Variants in DLGAP1 observed in about 807,000 individuals in gnomAD.
DLGAP1 encodes the protein disks large-associated protein 1.
DLGAP1 carries 11 observed loss-of-function variants against 90.8 expected under a neutral mutation model. The observed-to-expected ratio is 0.12, with a 90% confidence interval of 0.08 to 0.20. The LOEUF is 0.20. Ranked by LOEUF, DLGAP1 falls within the 10% of genes least tolerant of loss-of-function variation. The probability of loss-of-function intolerance (pLI) is 1.00; values close to 1 mark genes in which losing one functional copy is unlikely to be tolerated. For synonymous variants in DLGAP1, 558 were observed against 540.7 expected (o/e 1.03, Z -0.44); for missense variants, 1,050 against 1,333.8 (o/e 0.79, Z 3.31).
At chr18:3,618,508 T>C (rs961237562) in intron 7 of DLGAP1, among the ~76,000 whole-genome samples, 3 of 151,206 alleles carry the variant, frequency 2.0e-5, no homozygotes, top group Non-Finnish European at 4.4e-5. Context: ...ATCAAATAAA[T>C]AACCTGCAGG....
At chr18:3,948,277 C>A (rs1235921578) in intron 3 of DLGAP1, among the ~76,000 whole-genome samples, 2 of 152,186 alleles carry the variant, frequency 1.3e-5, no homozygotes, top group African/African-American at 4.8e-5. Context: ...GCTTCTCTTG[C>A]TGTGAATGAT....
intron 1 of DLGAP1, among the ~76,000 whole-genome samples, chr18:4,406,905 A>G (rs1189895562): frequency 6.6e-6 from 1 of 152,234 alleles, no homozygotes; most frequent in East Asian, 1.9e-4. Context: ...TATTTCTGCA[A>G]TGTTGACTTT....
intron 1 of DLGAP1, among the ~76,000 whole-genome samples, chr18:4,434,587 C>T (rs2144777525): frequency 6.6e-6 from 1 of 152,276 alleles, no homozygotes; most frequent in Non-Finnish European, 1.5e-5. Context: ...GTGTTCCCAA[C>T]TCTCAACTCC....
intron 2 of DLGAP1, among the ~76,000 whole-genome samples, chr18:4,071,038 G>A (rs986211953): frequency 1.3e-5 from 2 of 152,086 alleles, no homozygotes; most frequent in Non-Finnish European, 2.9e-5. Flanking sequence ...TGAGAAATGT[G>A]ATTTTTCAAT....
intron 7 of DLGAP1, chr18:3,708,295 C>T (rs930626158): frequency 2.6e-6 from 1 of 390,776 alleles, no homozygotes; most frequent in Non-Finnish European, 5.2e-6. Context: ...GCATGAGCCA[C>T]TGTGCCCAGC....
chr18:3,880,742 A>G, intron 3 of DLGAP1, among the ~76,000 whole-genome samples: 1 of 151,952 alleles, frequency 6.6e-6, no homozygotes, highest in East Asian at 2.0e-4. Context: ...CAGGAGTTTG[A>G]GACCAGCCTG....
chr18:4,191,159 T>C (rs1235997242), intron 1 of DLGAP1, among the ~76,000 whole-genome samples: 1 of 152,188 alleles, frequency 6.6e-6, no homozygotes, highest in Non-Finnish European at 1.5e-5. Context: ...CACATCAAGA[T>C]ATGTTTGCCA....
chr18:3,786,550 C>T (rs2065459438), intron 5 of DLGAP1, among the ~76,000 whole-genome samples: 1 of 152,110 alleles, frequency 6.6e-6, no homozygotes, highest in Admixed American at 6.5e-5. Flanking sequence ...TTTGGACTAG[C>T]TATGGTGCGT....
intron 7 of DLGAP1, among the ~76,000 whole-genome samples, chr18:3,662,842 T>C (rs2146621403): frequency 6.6e-6 from 1 of 152,366 alleles, no homozygotes; most frequent in Middle Eastern, 3.4e-3. Flanking sequence ...CCCATCCCTG[T>C]ATTATCAGTA....
chr18:3,626,347 A>G (rs1171393287), intron 7 of DLGAP1, among the ~76,000 whole-genome samples: 2 of 151,442 alleles, frequency 1.3e-5, no homozygotes, highest in Non-Finnish European at 2.9e-5. Context: ...TAATCTTAGC[A>G]TTTTGGGAGG....
intron 3 of DLGAP1, among the ~76,000 whole-genome samples, chr18:3,908,080 A>T (rs973939813): frequency 1.3e-5 from 2 of 152,168 alleles, no homozygotes; most frequent in Non-Finnish European, 2.9e-5. Flanking sequence ...CACTGAAAAA[A>T]TTTTTGGCAT....
chr18:4,228,468 C>T (rs762639443), intron 1 of DLGAP1, among the ~76,000 whole-genome samples: 8 of 151,926 alleles, frequency 5.3e-5, no homozygotes, highest in Non-Finnish European at 8.8e-5. Context: ...CTGAATCCAA[C>T]AACACATTAA....
In DLGAP1 at chr18:3,599,093, T is replaced by C. The variant is rs537316309; in HGVS notation, c.1592-16845A>G. 5.9e-5 allele frequency among the ~76,000 whole-genome samples: 9 copies of C among 152,346 alleles called. No individual in the cohort carries two copies. In the South Asian group the frequency reaches 1.9e-3, roughly 32 times the overall value. On this transcript the variant is annotated intron_variant, in intron 7 of 12. Transcript: ENST00000315677. Reference sequence around the variant, plus strand: ...CCAGCAAAGACTGTGTTTAAAATACTACCTTTCTGTTAGGTACTTGTCATT... The same window carrying C: ...CCAGCAAAGACTGTGTTTAAAATACCACCTTTCTGTTAGGTACTTGTCATT...
At chr18:3,792,701 T>C (rs1184952081) in intron 5 of DLGAP1, among the ~76,000 whole-genome samples, 7 of 152,172 alleles carry the variant, frequency 4.6e-5, no homozygotes, top group African/African-American at 1.2e-4. Context: ...CACCTCACCA[T>C]ACAGGCCAGC....
chr18:4,198,455 A>T, intron 1 of DLGAP1, among the ~76,000 whole-genome samples: 1 of 150,482 alleles, frequency 6.6e-6, no homozygotes, highest in East Asian at 2.1e-4. Flanking sequence ...TAATGGGTCC[A>T]CGAAACAATT....
At chr18:4,245,735 G>GA (rs1454923573) in intron 1 of DLGAP1, among the ~76,000 whole-genome samples, 1 of 152,130 alleles carries the variant, frequency 6.6e-6, no homozygotes, top group Non-Finnish European at 1.5e-5. Flanking sequence ...TTTCAAGTAA[G>GA]ATTTGATTTT....
intron 1 of DLGAP1, among the ~76,000 whole-genome samples, chr18:4,334,270 T>C (rs2081021334): frequency 6.6e-6 from 1 of 151,640 alleles, no homozygotes; most frequent in Non-Finnish European, 1.5e-5. Context: ...AAAACAACGC[T>C]CACCTCAGTC....
chr18:3,674,296 A>ATATATATATATATATATATATATATAT lies in DLGAP1; in HGVS notation c.1591+54838_1591+54839insATATATATATATATATATATATATATA, dbSNP rs1555623972. 5.4e-4 allele frequency among the ~76,000 whole-genome samples: 70 copies of ATATATATATATATATATATATATATAT among 128,940 alleles called. 1 individual carries two copies. Among genetic ancestry groups the ATATATATATATATATATATATATATAT allele is most frequent in the East Asian group, 1.9e-3 (9 of 4,706 alleles). 84.6% of individuals were successfully genotyped at this position (128,940 alleles called of 152,430 possible). A position where few individuals can be genotyped will look rare whatever the true frequency, so the allele number is the denominator to read the frequency against. ...TGAGATCTTGTCTCTATAATATTAAAATATATATATATATATGTATATTTT... is the reference window on the plus strand; with the variant it reads ...TGAGATCTTGTCTCTATAATATTAAATATATATATATATATATATATATATATATATATATATATATATGTATATTTT... On this transcript the variant is annotated intron_variant, in intron 7 of 12. Coordinates refer to ENST00000315677, the MANE Select transcript of DLGAP1 (RefSeq NM_004746.4).
intron 1 of DLGAP1, among the ~76,000 whole-genome samples, chr18:4,338,741 A>C (rs1193368268): frequency 1.3e-5 from 2 of 152,208 alleles, no homozygotes; most frequent in Non-Finnish European, 2.9e-5. Context: ...TTATACATAG[A>C]TTGAGAAGTA....
Sources: allele counts gnomAD v4.1 joint callset (sites outside exome capture counted in the v4.1 genomes callset), GRCh38; gene constraint gnomAD v4.1.1; transcripts MANE v1.5; gene names NCBI Gene and HGNC (gene_info 2026-07-23, HGNC 2026-07-21).